CDK17: variants seen among roughly 807,000 people sequenced by gnomAD.
The protein encoded by CDK17 is cyclin dependent kinase 17, also known as cyclin-dependent kinase 17.
Under a neutral mutation model 77.6 loss-of-function variants are expected in CDK17, and 24 were observed. That is an observed-to-expected ratio of 0.31 (90% confidence interval 0.22 to 0.44). The LOEUF is 0.44. Ranked by LOEUF, CDK17 falls within the 20% of genes least tolerant of loss-of-function variation. The probability of loss-of-function intolerance (pLI) is 1.00; values close to 1 mark genes in which losing one functional copy is unlikely to be tolerated. For missense variants in CDK17, 429 were observed against 622.5 expected, an observed-to-expected ratio of 0.69 and a Z score of 3.31; for synonymous variants, 203 against 210.4, an observed-to-expected ratio of 0.96 and a Z score of 0.30.
At chr12:96,379,267 A>G (rs980632991) in intron 1 of CDK17, among the ~76,000 whole-genome samples, 2 of 152,250 alleles carry the variant, frequency 1.3e-5, no homozygotes, top group Admixed American at 6.5e-5. Flanking sequence ...AATTACTGTT[A>G]AATGGAAAGT....
At chr12:96,313,044 T>C (rs1033762588) in intron 4 of CDK17, among the ~76,000 whole-genome samples, 2 of 152,182 alleles carry the variant, frequency 1.3e-5, no homozygotes, top group Non-Finnish European at 2.9e-5. Context: ...CACTTCTCCT[T>C]AATGGATAAC....
chr12:96,297,664 T>C lies in CDK17; in HGVS notation c.773A>G (p.His258Arg). The C allele has an allele frequency of 6.2e-7, 1 of 1,606,204 alleles. No homozygotes were observed. Among genetic ancestry groups the C allele is most frequent in the Non-Finnish European group, 8.5e-7 (1 of 1,173,930 alleles). The change falls in exon 8 of 17, where the codon CAC becomes CGC. Residue 258 changes from histidine (H) to arginine (R), a missense_variant. Physicochemically the swap from His to Arg is conservative, Grantham distance 29. This residue lies in a region of CDK17 where 262 missense variants were observed against 385.4 expected (regional missense o/e 0.68). Coordinates refer to ENST00000261211, the MANE Select transcript of CDK17 (RefSeq NM_002595.5). The stretch of plus-strand genomic sequence containing the variant: ...CACCAAAGTCAAGGATTTATCTGTG[T>C]GAACAATGTCATGTAAGGTTACTAT... ...ANIVTLHDIV[H>R]TDKSLTLVFE...
At chr12:96,289,069 T>C (rs747911410) in intron 11 of CDK17, 98 bp downstream of exon 11, 35 of 1,298,678 alleles carry the variant, frequency 2.7e-5, no homozygotes, top group Non-Finnish European at 3.6e-5. Context: ...CTCTTTAAAA[T>C]AATATCTCCT....
chr12:96,392,575 G>C (rs1418988041), intron 1 of CDK17, among the ~76,000 whole-genome samples: 2 of 152,154 alleles, frequency 1.3e-5, no homozygotes, highest in Admixed American at 1.3e-4. Flanking sequence ...GGACTAAGGG[G>C]AAATGAGCAT....
intron 1 of CDK17, among the ~76,000 whole-genome samples, chr12:96,383,508 G>A (rs956267335): frequency 1.3e-5 from 2 of 151,430 alleles, no homozygotes; most frequent in African/African-American, 2.4e-5. Context: ...CATACTACCC[G>A]ACTTAAAACT....
intron 1 of CDK17, among the ~76,000 whole-genome samples, chr12:96,360,057 C>T (rs989120571): frequency 6.6e-6 from 1 of 152,074 alleles, no homozygotes. Context: ...ACACAAGAGC[C>T]TATAACATGC....
At position 96,297,683 on chromosome 12, in the gene CDK17, T is replaced by C; in HGVS notation, c.754A>G (p.Thr252Ala). The C allele has an allele frequency of 3.1e-6, 5 of 1,604,980 alleles. No individual in the cohort carries two copies. Among genetic ancestry groups the C allele is most frequent in the Non-Finnish European group, 4.3e-6 (5 of 1,172,868 alleles). The change falls in exon 8 of 17, where the codon ACC becomes GCC. Residue 252 changes from threonine to alanine, a missense_variant. Thr to Ala is a moderately conservative substitution (Grantham distance 58). Coordinates refer to ENST00000261211, the MANE Select transcript of CDK17 (RefSeq NM_002595.5). ...LKDLKHANIV[T>A]LHDIVHTDKS... ...TCTGTGTGAACAATGTCATGTAAGG[T>C]TACTATATTTGCATGTTTTAAATCC...
At chr12:96,329,577 C>G (rs1221388164) in intron 2 of CDK17, among the ~76,000 whole-genome samples, 1 of 152,170 alleles carries the variant, frequency 6.6e-6, no homozygotes, top group Non-Finnish European at 1.5e-5. Context: ...TTATTACTAG[C>G]CTGATCCCAT....
rs368992495 is a variant in CDK17 at position 96,316,994 on chromosome 12, C to A, written c.284-3540G>T. 3.3e-4 allele frequency among the ~76,000 whole-genome samples: 48 copies of A among 145,770 alleles called. No individual in the cohort carries two copies. In the Admixed American group the frequency reaches 3.3e-3, roughly 10 times the overall value. On this transcript the variant is annotated intron_variant, in intron 3 of 16. Coordinates refer to ENST00000261211, the MANE Select transcript of CDK17 (RefSeq NM_002595.5). ...CGAGCTGAGAGAAGAAGGCTTCAGA[C>A]GATCAAATTACTCTGAGCTACGGGA...
intron 1 of CDK17, among the ~76,000 whole-genome samples, chr12:96,371,894 G>T (rs1196936885): frequency 6.6e-6 from 1 of 152,062 alleles, no homozygotes; most frequent in Non-Finnish European, 1.5e-5. Context: ...AAATATTCAT[G>T]TAGGTTTCAT....
rs1952667712 is a variant in CDK17 at position 96,313,304 on chromosome 12, AT to A, written c.417+16del. On this transcript the variant is annotated intron_variant, in intron 4 of 16. Transcript: ENST00000261211. The stretch of plus-strand genomic sequence containing the variant: ...CACACATATTCACAAGTATATTTGT[AT>A]TTTTTAAATGATTACCTCCATTGAG... 3 of 1,560,648 alleles carry A rather than the reference AT, an allele frequency of 1.9e-6. No homozygotes were observed. The highest frequency in any genetic ancestry group is 2.8e-5 in the African/African-American group (2 of 71,878).
intron 1 of CDK17, among the ~76,000 whole-genome samples, chr12:96,398,683 A>C (rs1954210254): frequency 6.6e-6 from 1 of 152,244 alleles, no homozygotes; most frequent in African/African-American, 2.4e-5. Context: ...GTCTGTCTTT[A>C]GGTCAAGCAT....
rs569278164 is a variant in CDK17 at position 96,296,699 on chromosome 12, C to G, written c.873+571G>C. On this transcript the variant is annotated intron_variant, in intron 9 of 16. Coordinates refer to ENST00000261211, the MANE Select transcript of CDK17 (RefSeq NM_002595.5). ...CTGGATGCTGTTACTCAGTTAATAA[C>G]TTTTGGGTATCATCTGGCACTGATT... Among the ~76,000 whole-genome samples the G allele has an allele frequency of 6.6e-5, 10 of 152,274 alleles. No individual in the cohort carries two copies. The South Asian group carries it at 2.1e-3, about 32-fold the overall frequency.
intron 7 of CDK17, 126 bp downstream of exon 7, chr12:96,298,743 C>G: frequency 1.8e-6 from 1 of 541,092 alleles, no homozygotes; most frequent in Non-Finnish European, 3.2e-6. Flanking sequence ...TAGAAATTTG[C>G]TTTTTAAAGG....
At chr12:96,283,538 A>G (rs750784251) in intron 14 of CDK17, 65 bp downstream of exon 14, 7 of 937,642 alleles carry the variant, frequency 7.5e-6, no homozygotes, top group Non-Finnish European at 1.2e-5. Flanking sequence ...TACTGAGCCC[A>G]TTCTACACAT....
chr12:96,396,380 G>T (rs543433559), intron 1 of CDK17, among the ~76,000 whole-genome samples: 1 of 152,120 alleles, frequency 6.6e-6, no homozygotes, highest in African/African-American at 2.4e-5. Context: ...CAGTCTAACT[G>T]GTCCTCTCCC....
chr12:96,296,024 CTG>C (rs1239457678), intron 9 of CDK17, among the ~76,000 whole-genome samples: 73 of 152,322 alleles, frequency 4.8e-4, no homozygotes, highest in Non-Finnish European at 9.3e-4. Context: ...AATGAATTCT[CTG>C]TGCCAGAGTC....
intron 10 of CDK17, among the ~76,000 whole-genome samples, chr12:96,290,244 CTT>C (rs1192161279): frequency 3.3e-5 from 5 of 152,204 alleles, no homozygotes; most frequent in Admixed American, 6.5e-5. Flanking sequence ...AACTTTATCT[CTT>C]GAGTCACTAG....
intron 5 of CDK17, among the ~76,000 whole-genome samples, chr12:96,306,786 C>T (rs1225175305): frequency 6.6e-6 from 1 of 152,192 alleles, no homozygotes; most frequent in African/African-American, 2.4e-5. Context: ...CCTTTTCCAT[C>T]CATCCCTAAC....
Sources: allele counts gnomAD v4.1 joint callset (sites outside exome capture counted in the v4.1 genomes callset), GRCh38; gene constraint gnomAD v4.1.1; regional missense constraint gnomAD v4.1.1; transcripts MANE v1.5; gene names NCBI Gene and HGNC (gene_info 2026-07-23, HGNC 2026-07-21).